Variants in SLC24A2 observed in about 807,000 individuals in gnomAD.
SLC24A2 encodes sodium/potassium/calcium exchanger 2.
In SLC24A2, 36 loss-of-function variants were observed where a neutral mutation model predicts 62.0. The observed-to-expected ratio is 0.58, with a 90% CI of 0.44 to 0.77. SLC24A2 has a LOEUF of 0.77. SLC24A2 is among the 30% of genes least tolerant of loss of function. SLC24A2 has a pLI of 0.00. For synonymous variants in SLC24A2, 358 were observed against 294.0 expected (o/e 1.22, Z -2.23); for missense variants, 846 against 817.9 (o/e 1.03, Z -0.42).
the SLC24A2 span, among the ~76,000 whole-genome samples, chr9:20,217,524 C>A: frequency 5.3e-5 from 8 of 152,120 alleles, no homozygotes; most frequent in African/African-American, 1.9e-4. Flanking sequence ...TAATGAAGAA[C>A]AAGCTGGTGC....
chr9:19,853,348 A>C, the SLC24A2 span, among the ~76,000 whole-genome samples: 1 of 152,140 alleles, frequency 6.6e-6, no homozygotes, highest in South Asian at 2.1e-4. Context: ...TACTATGTTG[A>C]ATAGGAGTGG....
intron 2 of SLC24A2, among the ~76,000 whole-genome samples, chr9:19,714,324 C>G (rs904774027): frequency 6.6e-6 from 1 of 152,002 alleles, no homozygotes; most frequent in Non-Finnish European, 1.5e-5. Flanking sequence ...GTGCAGCACT[C>G]GCAGAACCAT....
At chr9:19,727,671 T>C (rs2118688714) in intron 2 of SLC24A2, among the ~76,000 whole-genome samples, 1 of 152,364 alleles carries the variant, frequency 6.6e-6, no homozygotes, top group East Asian at 1.9e-4. Flanking sequence ...CAAGTAATTT[T>C]GCTATAAATC....
chr9:19,562,826 G>A (rs1835472461), intron 7 of SLC24A2, among the ~76,000 whole-genome samples: 1 of 152,174 alleles, frequency 6.6e-6, no homozygotes, highest in African/African-American at 2.4e-5. Context: ...AATCTAGGCT[G>A]GATTATGGTG....
At chr9:20,104,601 G>A in the SLC24A2 span, among the ~76,000 whole-genome samples, 93 of 152,278 alleles carry the variant, frequency 6.1e-4, no homozygotes, top group African/African-American at 2.1e-3. Flanking sequence ...GCCAAACTAA[G>A]CTTCATAAGT....
chr9:20,001,603 TGA>T, the SLC24A2 span, among the ~76,000 whole-genome samples: 1 of 152,190 alleles, frequency 6.6e-6, no homozygotes, highest in Non-Finnish European at 1.5e-5. Flanking sequence ...TGGCAATGGC[TGA>T]GTTTGGTGGA....
intron 4 of SLC24A2, among the ~76,000 whole-genome samples, chr9:19,602,052 A>C (rs1462630898): frequency 6.6e-6 from 1 of 152,212 alleles, no homozygotes; most frequent in East Asian, 1.9e-4. Context: ...TATAATGCAG[A>C]ACAAGGAGAT....
At chr9:19,886,585 G>C in the SLC24A2 span, among the ~76,000 whole-genome samples, 2 of 152,222 alleles carry the variant, frequency 1.3e-5, no homozygotes, top group Non-Finnish European at 2.9e-5. Context: ...TAGAGAAATA[G>C]GAACGCTTTT....
intron 2 of SLC24A2, among the ~76,000 whole-genome samples, chr9:19,767,092 G>C (rs1477627611): frequency 6.6e-6 from 1 of 152,172 alleles, no homozygotes; most frequent in African/African-American, 2.4e-5. Context: ...TGTTTCCACT[G>C]TGAGGGAAAA....
chr9:20,055,561 C>T, the SLC24A2 span, among the ~76,000 whole-genome samples: 2 of 152,010 alleles, frequency 1.3e-5, no homozygotes, highest in Admixed American at 6.6e-5. Context: ...CACATGGTCA[C>T]ACACTTTTAA....
chr9:19,834,011 G>C, the SLC24A2 span, among the ~76,000 whole-genome samples: 1 of 152,186 alleles, frequency 6.6e-6, no homozygotes, highest in Admixed American at 6.5e-5. Context: ...CTGCAGCTGA[G>C]GGTCCTGACT....
At chr9:19,535,444 T>C (rs1205064420) in intron 8 of SLC24A2, among the ~76,000 whole-genome samples, 1 of 152,218 alleles carries the variant, frequency 6.6e-6, no homozygotes, top group Non-Finnish European at 1.5e-5. Context: ...ATGTCCAGAA[T>C]GGTATTGCCT....
chr9:19,790,067 C>G (rs1823293104), upstream of SLC24A2, among the ~76,000 whole-genome samples: 1 of 151,764 alleles, frequency 6.6e-6, no homozygotes, highest in Non-Finnish European at 1.5e-5. Flanking sequence ...CCCCCCACCC[C>G]CCAATCAAAG....
At chr9:20,107,939 C>T in the SLC24A2 span, among the ~76,000 whole-genome samples, 5 of 152,104 alleles carry the variant, frequency 3.3e-5, no homozygotes, top group East Asian at 7.7e-4. Context: ...TTTTCGCAAC[C>T]TACTCATCTG....
chr9:19,963,406 G>C, the SLC24A2 span, among the ~76,000 whole-genome samples: 2 of 150,478 alleles, frequency 1.3e-5, no homozygotes, highest in East Asian at 1.9e-4. Flanking sequence ...CACAGCAAAA[G>C]AAACTACCAT....
chr9:19,723,706 T>A (rs1390397730), intron 2 of SLC24A2, among the ~76,000 whole-genome samples: 2 of 152,072 alleles, frequency 1.3e-5, no homozygotes, highest in East Asian at 3.9e-4. Context: ...CTTCTTGAAA[T>A]CTAATTTCAG....
intron 2 of SLC24A2, among the ~76,000 whole-genome samples, chr9:19,651,374 G>A (rs1818796436): frequency 6.6e-6 from 1 of 152,168 alleles, no homozygotes; most frequent in Non-Finnish European, 1.5e-5. Context: ...ATGAAACAGA[G>A]AGAAATTAGA....
At chr9:19,525,765 GTTTT>G (rs71496823) in intron 9 of SLC24A2, among the ~76,000 whole-genome samples, 62 of 99,138 alleles carry the variant, frequency 6.3e-4, no homozygotes, top group African/African-American at 2.2e-3. Flanking sequence ...ACATGCTACT[GTTTT>G]TTTTTTTTTT....
chr9:19,752,523 G>GGGGAGCTGTACCCTGGCCCAGCCCCTT (rs1822015139), intron 2 of SLC24A2, among the ~76,000 whole-genome samples: 2 of 151,260 alleles, frequency 1.3e-5, no homozygotes, highest in Non-Finnish European at 3.0e-5. Flanking sequence ...ACGCAATCCT[G>GGGGAGCTGTACCCTGGCCCAGCCCCTT]GGGAGCTGGA....
Sources: gnomAD v4.1 joint callset for allele counts (sites outside exome capture counted in the v4.1 genomes callset) on GRCh38, gnomAD v4.1.1 for gene constraint, MANE v1.5 for transcripts, NCBI Gene and HGNC (gene_info 2026-07-23, HGNC 2026-07-21) for gene names.